Variants in UGT1A8 observed in about 807,000 individuals in gnomAD.
UGT1A8 encodes the protein UDP glucuronosyltransferase family 1 member A8.
A neutral mutation model predicts 45.3 loss-of-function variants in UGT1A8; 39 were observed. That is an observed-to-expected ratio of 0.86 (90% CI 0.67 to 1.12). UGT1A8 has a LOEUF of 1.12. UGT1A8 is among the 50% of genes most tolerant of loss of function. UGT1A8 has a pLI of 0.00. For synonymous variants in UGT1A8, 275 were observed against 249.2 expected, an observed-to-expected ratio of 1.10 and a Z score of -0.97; for missense variants, 719 against 664.9, an observed-to-expected ratio of 1.08 and a Z score of -0.90.
intron 1 of UGT1A8, among the ~76,000 whole-genome samples, chr2:233,709,348 T>A (rs1575490597): frequency 1.3e-5 from 2 of 152,346 alleles, no homozygotes; most frequent in South Asian, 2.1e-4. Flanking sequence ...ATAAACCTAT[T>A]ACTATATAGA....
intron 1 of UGT1A8, among the ~76,000 whole-genome samples, chr2:233,642,723 AG>A (rs1464658009): frequency 6.6e-6 from 1 of 152,196 alleles, no homozygotes; most frequent in Non-Finnish European, 1.5e-5. Flanking sequence ...TTTCTGCTTT[AG>A]GGGGCACCCC....
chr2:233,732,704 T>C (rs2078302376), intron 1 of UGT1A8, among the ~76,000 whole-genome samples: 1 of 152,126 alleles, frequency 6.6e-6, no homozygotes. Flanking sequence ...GTTTTGTTAC[T>C]GTAGCCTTGT....
In UGT1A8 at chr2:233,617,788, G is replaced by A. The variant is rs1241382030; in HGVS notation, c.81G>A (p.Lys27=). 2 of 1,614,040 alleles carry A rather than the reference G, an allele frequency of 1.2e-6. No homozygotes were observed. ...LLTCGFAEAG[K]LLVVPMDGSH... is the part of the protein sequence containing the mutation. ...CCTGTGGCTTTGCTGAGGCAGGGAA[G>A]CTGCTGGTAGTGCCCATGGATGGGA... The change falls in exon 1 of 5, where the codon AAG becomes AAA. Residue 27 remains lysine (K), a synonymous_variant. Transcript: ENST00000373450.
At chr2:233,720,329 A>G (rs2076851533) in intron 1 of UGT1A8, among the ~76,000 whole-genome samples, 1 of 152,074 alleles carries the variant, frequency 6.6e-6, no homozygotes, top group Admixed American at 6.5e-5. Flanking sequence ...GACATCGTAG[A>G]GTTTGGAAGG....
intron 1 of UGT1A8, among the ~76,000 whole-genome samples, chr2:233,643,438 C>T (rs2073512208): frequency 6.6e-6 from 1 of 152,060 alleles, no homozygotes; most frequent in Non-Finnish European, 1.5e-5. Context: ...GAGACTTGCC[C>T]TTCAAGGCAG....
intron 1 of UGT1A8, among the ~76,000 whole-genome samples, chr2:233,730,705 A>T (rs2078064782): frequency 6.6e-6 from 1 of 152,130 alleles, no homozygotes; most frequent in South Asian, 2.1e-4. Flanking sequence ...TTCTACTTGG[A>T]ATGCTGAAAT....
chr2:233,628,383 G>A lies in UGT1A8; in HGVS notation c.855+9821G>A, dbSNP rs913608531. On this transcript the variant is annotated intron_variant, in intron 1 of 4. Coordinates refer to ENST00000373450, the MANE Select transcript of UGT1A8 (RefSeq NM_019076.5). ...GCAATATATTTATTTTTAAAAATCT[G>A]CATATAAGTGGATCCACACAGCTCA... Among the ~76,000 whole-genome samples, 19 of 151,914 alleles carry A rather than the reference G, an allele frequency of 1.3e-4. 1 individual carries two copies. The highest frequency in any genetic ancestry group is 4.6e-4 in the African/African-American group (19 of 41,352).
chr2:233,729,699 C>A lies in UGT1A8; in HGVS notation c.856-37335C>A, dbSNP rs184386098. On this transcript the variant is annotated intron_variant, in intron 1 of 4. Coordinates refer to ENST00000373450, the MANE Select transcript of UGT1A8 (RefSeq NM_019076.5). Reference sequence around the variant, plus strand: ...AGGGCACACAGTGTCCAAACCCTTCCTCCTATATTCCTAGATTACTAACAA... The same window carrying A: ...AGGGCACACAGTGTCCAAACCCTTCATCCTATATTCCTAGATTACTAACAA... 39 of 1,613,944 alleles carry A rather than the reference C, an allele frequency of 2.4e-5. No homozygotes were observed. The East Asian group carries it at 8.7e-4, about 36-fold the overall frequency.
rs568090687 is a variant in UGT1A8, at chr2:233,760,533, A to G, written c.856-6501A>G. 23 of 1,614,268 alleles carry G rather than the reference A, an allele frequency of 1.4e-5. No homozygotes were observed. The South Asian group carries it at 2.2e-4, about 15-fold the overall frequency. On this transcript the variant is annotated intron_variant, in intron 1 of 4. Coordinates refer to ENST00000373450, the MANE Select transcript of UGT1A8 (RefSeq NM_019076.5). ...ACACCTTGAAGACGTACCCTGTGCC[A>G]TTCCAAAGGGAGGATGTGAAAGAGT... is the stretch of plus-strand genomic sequence containing the variant.
chr2:233,677,138 A>G (rs532182444), intron 1 of UGT1A8, among the ~76,000 whole-genome samples: 1 of 152,314 alleles, frequency 6.6e-6, no homozygotes, highest in Admixed American at 6.5e-5. Context: ...ACTGGGGAGA[A>G]ACAACATCTT....
At chr2:233,740,898 G>T (rs1431313785) in intron 1 of UGT1A8, 2 of 148,128 alleles carry the variant, frequency 1.4e-5, no homozygotes, top group Non-Finnish European at 3.0e-5. Context: ...CAACATAGTA[G>T]GTCAACATTG....
chr2:233,700,944 C>T (rs1396267587), intron 1 of UGT1A8, among the ~76,000 whole-genome samples: 1 of 151,988 alleles, frequency 6.6e-6, no homozygotes, highest in Non-Finnish European at 1.5e-5. Flanking sequence ...TGTTCAATTC[C>T]CACCTATGAG....
intron 1 of UGT1A8, among the ~76,000 whole-genome samples, chr2:233,757,869 G>C (rs1204071676): frequency 2.6e-5 from 4 of 151,938 alleles, no homozygotes; most frequent in African/African-American, 7.3e-5. Context: ...AAAGAAAGTA[G>C]CTTCAAAAGG....
At chr2:233,618,738 T>C (rs1270942283) in intron 1 of UGT1A8, among the ~76,000 whole-genome samples, 176 bp downstream of exon 1, 1 of 152,238 alleles carries the variant, frequency 6.6e-6, no homozygotes, top group Non-Finnish European at 1.5e-5. Context: ...TTTATAAAAC[T>C]GCCCTTCTTG....
At chr2:233,756,127 T>C (rs1396656487) in intron 1 of UGT1A8, 2 of 152,258 alleles carry the variant, frequency 1.3e-5, no homozygotes, top group African/African-American at 4.8e-5. Context: ...TGTAAAATTC[T>C]CCTGAAAAAT....
intron 1 of UGT1A8, chr2:233,691,672 T>C (rs927700420): frequency 1.0e-6 from 1 of 973,966 alleles, no homozygotes; most frequent in Non-Finnish European, 1.2e-6. Flanking sequence ...TGGGCCTCAG[T>C]TGAGAAACCT....
chr2:233,756,970 G>T (rs550793027), intron 1 of UGT1A8, among the ~76,000 whole-genome samples: 8 of 152,064 alleles, frequency 5.3e-5, no homozygotes, highest in African/African-American at 1.7e-4. Context: ...TGGTAAGCAC[G>T]CAATGAACAG....
chr2:233,754,850 A>C (rs1172788240), intron 1 of UGT1A8: 1 of 1,345,454 alleles, frequency 7.4e-7, no homozygotes, highest in African/African-American at 1.5e-5. Context: ...AGGCAGAGAA[A>C]AGGGGTGCAG....
At chr2:233,623,375 AT>A in intron 1 of UGT1A8, among the ~76,000 whole-genome samples, 1 of 152,072 alleles carries the variant, frequency 6.6e-6, no homozygotes, top group East Asian at 1.9e-4. Flanking sequence ...ATGTTCTTCC[AT>A]TTCTTTGTGT....
Sources: allele counts gnomAD v4.1 joint callset (sites outside exome capture counted in the v4.1 genomes callset), GRCh38; gene constraint gnomAD v4.1.1; transcripts MANE v1.5; gene names NCBI Gene and HGNC (gene_info 2026-07-23, HGNC 2026-07-21).